Variants in NOX1 observed in about 807,000 individuals in gnomAD.
NOX1 encodes the protein NADPH oxidase 1.
A neutral mutation model predicts 42.5 loss-of-function variants in NOX1; 34 were observed. The ratio of observed to expected loss-of-function variants is 0.80; its 90% CI spans 0.61 to 1.07. The LOEUF (loss-of-function observed/expected upper bound fraction) is 1.07, where lower values mean the gene tolerates loss of function less well. NOX1 is among the 50% of genes least tolerant of loss of function. The pLI, the probability that NOX1 is intolerant of heterozygous loss-of-function variation, is 0.00. For synonymous variants in NOX1, 143 were observed against 152.5 expected (o/e 0.94, Z 0.46); for missense variants, 408 against 427.0 (o/e 0.96, Z 0.39).
In NOX1 at chrX:100,848,642, G is replaced by A. The variant is rs925671378; in HGVS notation, c.1556C>T (p.Thr519Ile). The stretch of plus-strand genomic sequence containing the variant: ...AAAATATACTTACTTGGGGTGGGAG[G>A]TAGCTATTGTAGAAAACTCATTGTC... Reference protein sequence around the residue: ...MWDNEFSTIATSHPKSVVGVF... With the variant: ...MWDNEFSTIAISHPKSVVGVF... Residue 519 changes from threonine to isoleucine, a missense_variant, in exon 12 of 13, where the codon ACC (threonine) becomes ATC (isoleucine). Thr to Ile is a moderately conservative substitution (Grantham distance 89). Coordinates refer to ENST00000372966, the MANE Select transcript of NOX1 (RefSeq NM_007052.5). 2.5e-6 allele frequency: 3 copies of A among 1,208,195 alleles called. No individual in the cohort carries two copies. The highest frequency in any genetic ancestry group is 3.5e-5 in the African/African-American group (2 of 57,176).
intron 7 of NOX1, chrX:100,856,241 C>T (rs1352965926): frequency 1.0e-6 from 1 of 967,768 alleles, no homozygotes; most frequent in Non-Finnish European, 1.5e-6. Flanking sequence ...GTTTGGATCT[C>T]TCATTACCAC....
At chrX:100,873,683 G>A (rs896035211) in intron 1 of NOX1, among the ~76,000 whole-genome samples, 1 of 111,900 alleles carries the variant, frequency 8.9e-6, no homozygotes, top group Admixed American at 9.5e-5. Context: ...ATTACATTAT[G>A]TGGTTTGCTA....
In NOX1 at chrX:100,843,343, C is replaced by G; in HGVS notation, c.*609G>C. 9.1e-7 allele frequency: 1 copy of G among 1,094,225 alleles called. No homozygotes were observed. Among genetic ancestry groups the G allele is most frequent in the Non-Finnish European group, 1.2e-6 (1 of 844,418 alleles). The allele number at this position is 1,094,225 out of a possible 1,213,427, so 90.2% of individuals were successfully genotyped here. On this transcript the variant is annotated 3_prime_UTR_variant, in exon 13 of 13. Transcript: ENST00000372966. Reference sequence around the variant, plus strand: ...CATTCATCAAGTGAAGAAGAAAATCCTTTATTTTTTGATGAGCAAAAATAA... The same window carrying G: ...CATTCATCAAGTGAAGAAGAAAATCGTTTATTTTTTGATGAGCAAAAATAA...
intron 2 of NOX1, among the ~76,000 whole-genome samples, chrX:100,864,523 A>T (rs1464092346): frequency 1.8e-5 from 2 of 111,984 alleles, no homozygotes; most frequent in Non-Finnish European, 1.9e-5. Flanking sequence ...TTAAACAGGT[A>T]GATATTTGAG....
intron 1 of NOX1, among the ~76,000 whole-genome samples, chrX:100,871,569 G>C (rs1223027828): frequency 1.8e-5 from 2 of 111,456 alleles, no homozygotes; most frequent in East Asian, 5.7e-4. Context: ...TTTTTCCTTT[G>C]GACTTTTTTG....
intron 2 of NOX1, among the ~76,000 whole-genome samples, chrX:100,864,620 T>C (rs2085226748): frequency 8.9e-6 from 1 of 111,834 alleles, no homozygotes; most frequent in African/African-American, 3.2e-5. Flanking sequence ...GATCCAGCAG[T>C]AGAAGCTGCT....
intron 4 of NOX1, 115 bp from the exon 5 acceptor site, chrX:100,862,935 A>G (rs1027909985): frequency 1.3e-6 from 1 of 751,157 alleles, no homozygotes; most frequent in Non-Finnish European, 2.0e-6. Context: ...TGCTGAGTGC[A>G]CAGAAGGTGC....
In NOX1 at chrX:100,850,326, C is replaced by T; in HGVS notation, c.958G>A (p.Glu320Lys). The T allele has an allele frequency of 2.5e-6, 3 of 1,207,991 alleles. No homozygotes were observed. The highest frequency in any genetic ancestry group is 1.7e-5 in the African/African-American group (1 of 57,826). ...TTAACAAAGATATACTGCCCCACTT[C>T]CATGCTGAAGCCACGCTTGTTCATC... The part of the protein sequence containing the change: ...LQMNKRGFSM[E>K]VGQYIFVNCP... The change falls in exon 9 of 13, where the codon GAA becomes AAA. Residue 320 changes from glutamate to lysine, a missense_variant. Coordinates refer to ENST00000372966, the MANE Select transcript of NOX1 (RefSeq NM_007052.5).
intron 1 of NOX1, among the ~76,000 whole-genome samples, chrX:100,871,747 C>T (rs762188158): frequency 2.7e-5 from 3 of 111,253 alleles, no homozygotes; most frequent in African/African-American, 9.8e-5. Context: ...TAGTATATAT[C>T]CCTCGCCCCA....
intron 7 of NOX1, among the ~76,000 whole-genome samples, chrX:100,861,212 G>A (rs2085201237): frequency 9.0e-6 from 1 of 111,358 alleles, no homozygotes; most frequent in Admixed American, 9.6e-5. Context: ...ATATTTTAGT[G>A]CAAGGCGTGA....
chrX:100,871,339 C>T (rs954538090), intron 1 of NOX1, among the ~76,000 whole-genome samples: 1 of 111,868 alleles, frequency 8.9e-6, no homozygotes, highest in South Asian at 3.7e-4. Context: ...TTTACAGAAA[C>T]ATTTGCCATT....
At chrX:100,868,488 C>T (rs1177758482) in intron 2 of NOX1, among the ~76,000 whole-genome samples, 1 of 110,810 alleles carries the variant, frequency 9.0e-6, no homozygotes, top group Non-Finnish European at 1.9e-5. Context: ...TGGTCACCTC[C>T]ACACCCCTGT....
In NOX1 at chrX:100,874,157, G is replaced by C. The variant is rs943715037; in HGVS notation, c.-18C>G. 2.6e-5 allele frequency: 31 copies of C among 1,173,123 alleles called. No individual in the cohort carries two copies. Among genetic ancestry groups the C allele is most frequent in the Non-Finnish European group, 3.5e-5 (30 of 864,313 alleles). On this transcript the variant is annotated 5_prime_UTR_variant, in exon 1 of 13. Transcript: ENST00000372966. Reference sequence around the variant, plus strand: ...TTTCCCATTGTCAAGAGGTGGTTTGGAGCCCTTCTAGGCAACAGGGAAGAT... The same window carrying C: ...TTTCCCATTGTCAAGAGGTGGTTTGCAGCCCTTCTAGGCAACAGGGAAGAT...
At chrX:100,860,304 A>G (rs1417452249) in intron 7 of NOX1, among the ~76,000 whole-genome samples, 1 of 112,031 alleles carries the variant, frequency 8.9e-6, no homozygotes, top group Non-Finnish European at 1.9e-5. Context: ...GTAATTTAAC[A>G]CATATTTAAG....
intron 7 of NOX1, among the ~76,000 whole-genome samples, chrX:100,853,296 T>TTCTCTC (rs764385712): frequency 1.6e-5 from 1 of 63,846 alleles, no homozygotes; most frequent in African/African-American, 7.3e-5. Context: ...CTTTCTTTCT[T>TTCTCTC]TCTTTCTTTC....
chrX:100,851,453 C>T (rs1243313249), intron 7 of NOX1, 128 bp from the exon 8 acceptor site: 5 of 346,089 alleles, frequency 1.4e-5, no homozygotes, highest in Admixed American at 6.1e-5. Context: ...CTACTAATTT[C>T]ACCAAATCTG....
chrX:100,863,436 G>A, intron 3 of NOX1, 49 bp downstream of exon 3: 1 of 1,146,289 alleles, frequency 8.7e-7, no homozygotes, highest in Non-Finnish European at 1.2e-6. Flanking sequence ...AGGAGTCTGG[G>A]GTCTCCTTCT....
intron 1 of NOX1, among the ~76,000 whole-genome samples, chrX:100,873,554 A>G (rs867763865): frequency 8.9e-6 from 1 of 112,467 alleles, no homozygotes; most frequent in African/African-American, 3.2e-5. Context: ...AATATTTTCA[A>G]TATTGAATAC....
chrX:100,848,809 C>G, intron 11 of NOX1, 55 bp from the exon 12 acceptor site: 1 of 1,165,683 alleles, frequency 8.6e-7, no homozygotes, highest in Non-Finnish European at 1.2e-6. Context: ...GGGTGCGTGG[C>G]TCACGCCTGT....
Sources: allele counts gnomAD v4.1 joint callset (sites outside exome capture counted in the v4.1 genomes callset), GRCh38; gene constraint gnomAD v4.1.1; transcripts MANE v1.5; gene names NCBI Gene and HGNC (gene_info 2026-07-23, HGNC 2026-07-21).